The following ZNF570 variants were observed in gnomAD, a reference collection of about 807,000 sequenced individuals.
ZNF570 encodes zinc finger protein 570.
In ZNF570, 8 loss-of-function variants were observed where a neutral mutation model predicts 14.2. The ratio of observed to expected loss-of-function variants is 0.56; its 90% confidence interval spans 0.33 to 1.02. ZNF570 has a LOEUF of 1.02. Ranked by LOEUF, ZNF570 falls within the 50% of genes least tolerant of loss-of-function variation. ZNF570 has a pLI of 0.03. For synonymous variants in ZNF570, 202 were observed against 207.6 expected (o/e 0.97, Z 0.23); for missense variants, 559 against 624.9 (o/e 0.89, Z 1.12).
At chr19:37,476,212 T>C (rs2042021421) in intron 3 of ZNF570, 127 bp from the exon 4 acceptor site, 1 of 1,290,836 alleles carries the variant, frequency 7.7e-7, no homozygotes, top group Admixed American at 2.6e-5. Context: ...TTCTAATACA[T>C]GTCCTTTACA....
chr19:37,483,475 A>G (rs2042109691), intron 4 of ZNF570, among the ~76,000 whole-genome samples: 1 of 152,136 alleles, frequency 6.6e-6, no homozygotes, highest in Admixed American at 6.5e-5. Flanking sequence ...CCCTGAAGGT[A>G]AAGATCTTTG....
intron 2 of ZNF570, among the ~76,000 whole-genome samples, chr19:37,475,594 C>G (rs1458276654): frequency 6.6e-6 from 1 of 152,088 alleles, no homozygotes; most frequent in Non-Finnish European, 1.5e-5. Flanking sequence ...ATACTCTGCC[C>G]TCATGGAGCT....
intron 4 of ZNF570, among the ~76,000 whole-genome samples, chr19:37,476,747 T>A (rs1230429225): frequency 2.7e-4 from 39 of 143,864 alleles, no homozygotes; most frequent in Non-Finnish European, 5.2e-4. Context: ...TCTCGCTCTG[T>A]CACCCAGGCT....
rs764242045 is a variant in ZNF570, at chr19:37,475,991, G to C, written c.144G>C (p.Arg48Ser). The C allele has an allele frequency of 6.2e-7, 1 of 1,611,512 alleles. No homozygotes were observed. The highest frequency in any genetic ancestry group is 2.2e-5 in the East Asian group (1 of 44,826). Residue 48 changes from arginine to serine, a missense_variant, in exon 3 of 5, where the codon AGG becomes AGC. Physicochemically the swap from Arg to Ser is moderately radical, Grantham distance 110. Coordinates refer to ENST00000330173, the MANE Select transcript of ZNF570 (RefSeq NM_144694.5). The stretch of plus-strand genomic sequence containing the variant: ...GTAATGTGATGCTAGAGAACTACAG[G>C]ATCTTGGTATCACTGGGTAAGGATA... ...LYSNVMLENY[R>S]ILVSLGLCFS...
chr19:37,481,157 ATT>A (rs750442610), intron 4 of ZNF570, among the ~76,000 whole-genome samples: 5 of 144,646 alleles, frequency 3.5e-5, no homozygotes, highest in African/African-American at 5.0e-5. Flanking sequence ...AGATTGACAG[ATT>A]TTTTTTTTTT....
upstream of ZNF570, chr19:37,469,125 A>G: frequency 9.2e-7 from 1 of 1,091,766 alleles, no homozygotes; most frequent in Non-Finnish European, 1.1e-6. Context: ...CCAGGCTCGG[A>G]GCTGCAGGGA....
upstream of ZNF570, chr19:37,468,097 T>C (rs2041881812): frequency 2.9e-6 from 2 of 678,744 alleles, no homozygotes; most frequent in Non-Finnish European, 4.9e-6. Context: ...TTGTTTTGTT[T>C]TTTTTGAGGC....
At chr19:37,473,214 C>T (rs2041988370) in intron 2 of ZNF570, among the ~76,000 whole-genome samples, 1 of 152,122 alleles carries the variant, frequency 6.6e-6, no homozygotes, top group Non-Finnish European at 1.5e-5. Flanking sequence ...TGCAGCATTT[C>T]CGCCCACTTG....
intron 4 of ZNF570, among the ~76,000 whole-genome samples, chr19:37,482,654 C>T (rs903401717): frequency 2.0e-5 from 3 of 152,224 alleles, no homozygotes; most frequent in Admixed American, 2.0e-4. Context: ...GGCTCTGGAT[C>T]CCCATCCAAA....
intron 1 of ZNF570, among the ~76,000 whole-genome samples, chr19:37,469,975 A>T (rs2041928070): frequency 6.6e-6 from 1 of 152,142 alleles, no homozygotes; most frequent in South Asian, 2.1e-4. Context: ...AGAATCACTG[A>T]TTTATTGGAG....
At chr19:37,478,762 G>A (rs1461107729) in intron 4 of ZNF570, among the ~76,000 whole-genome samples, 1 of 151,360 alleles carries the variant, frequency 6.6e-6, no homozygotes, top group African/African-American at 2.4e-5. Context: ...ATCTGTGGGT[G>A]ATTTTTACCT....
At chr19:37,468,331 C>T (rs1362746717), upstream of ZNF570, among the ~76,000 whole-genome samples, 1 of 152,154 alleles carries the variant, frequency 6.6e-6, no homozygotes, top group Non-Finnish European at 1.5e-5. Context: ...TCAAGCGATC[C>T]TCCCGCCTGG....
rs570165311 is a variant in ZNF570, at chr19:37,479,951, G to A, written c.256+3517G>A. On this transcript the variant is annotated intron_variant, in intron 4 of 4. Coordinates refer to ENST00000330173, the MANE Select transcript of ZNF570 (RefSeq NM_144694.5). ...CTTTATCTTTTAACCAAATGATGGT[G>A]GTGGTCAGTTAAATTTTTTGGTACT... Among the ~76,000 whole-genome samples the A allele has an allele frequency of 3.3e-5, 5 of 152,090 alleles. 1 individual carries two copies. The highest frequency in any genetic ancestry group is 1.2e-4 in the African/African-American group (5 of 41,496).
Position 37,486,068 on chromosome 19 carries a change from G to A in ZNF570, c.*835G>A, listed in dbSNP as rs1481012279. 6.7e-6 allele frequency: 1 copy of A among 149,852 alleles called. No individual in the cohort carries two copies. The highest frequency in any genetic ancestry group is 2.4e-5 in the African/African-American group (1 of 40,916). 9.3% of individuals were successfully genotyped at this position (149,852 alleles called of 1,614,324 possible). On this transcript the variant is annotated 3_prime_UTR_variant, in exon 5 of 5. Transcript: ENST00000330173. The stretch of plus-strand genomic sequence containing the variant: ...AAAATAAAAAGAAAAGAAGAGAAAA[G>A]AAAACACATGTTACTATCTCCAGTT...
Position 37,486,242 on chromosome 19 carries a change from C to G in ZNF570, c.*1009C>G, listed in dbSNP as rs767747585. The G allele has an allele frequency of 4.6e-5, 7 of 152,016 alleles. No homozygotes were observed. Among genetic ancestry groups the G allele is most frequent in the Non-Finnish European group, 1.0e-4 (7 of 68,008 alleles). 9.4% of individuals were successfully genotyped at this position (152,016 alleles called of 1,614,324 possible). Reference sequence around the variant, plus strand: ...TTCTTCTTTGGGCACTAGGCACTTCCCAGGACTAAGAGCTTAGATTCTGGA... The same window carrying G: ...TTCTTCTTTGGGCACTAGGCACTTCGCAGGACTAAGAGCTTAGATTCTGGA... On this transcript the variant is annotated 3_prime_UTR_variant, in exon 5 of 5. Coordinates refer to ENST00000330173, the MANE Select transcript of ZNF570 (RefSeq NM_144694.5).
Position 37,475,939 on chromosome 19 carries a change from T to A in ZNF570, c.92T>A (p.Leu31Gln), listed in dbSNP as rs2042018303. The A allele has an allele frequency of 2.5e-6, 4 of 1,614,114 alleles. No individual in the cohort carries two copies. In the East Asian group the frequency reaches 8.9e-5, roughly 36 times the overall value. ...TTCTCCCAAGAGGAATGGGATTGTC[T>A]GGATTCTTCTCAAAGACATCTGTAC... ...VDFSQEEWDCLDSSQRHLYSN... is the reference protein window; with the variant it reads ...VDFSQEEWDCQDSSQRHLYSN... Residue 31 changes from leucine (L) to glutamine (Q), a missense_variant, in exon 3 of 5, where the codon CTG becomes CAG. Leu to Gln is a moderately radical substitution (Grantham distance 113, BLOSUM62 -2). Coordinates refer to ENST00000330173, the MANE Select transcript of ZNF570 (RefSeq NM_144694.5).
In ZNF570 at chr19:37,469,389, T is replaced by A. The variant is rs2041914900; in HGVS notation, c.-220T>A. 1.3e-6 allele frequency: 2 copies of A among 1,486,358 alleles called. No homozygotes were observed. Among genetic ancestry groups the A allele is most frequent in the Admixed American group, 4.2e-5 (2 of 47,878 alleles). 92.1% of individuals were successfully genotyped at this position (1,486,358 alleles called of 1,614,324 possible). A position where few individuals can be genotyped will look rare whatever the true frequency, so the allele number is the denominator to read the frequency against. ...CCGGGCCCGTAAGGGCTGGGTTCCA[T>A]CCAACTAAGGGTAGCGGTGAGACCC... On this transcript the variant is annotated 5_prime_UTR_variant, in exon 1 of 5. Coordinates refer to ENST00000330173, the MANE Select transcript of ZNF570 (RefSeq NM_144694.5).
intron 4 of ZNF570, among the ~76,000 whole-genome samples, chr19:37,478,549 TGC>T (rs2042052639): frequency 5.3e-5 from 8 of 151,752 alleles, no homozygotes; most frequent in Admixed American, 1.3e-4. Flanking sequence ...ATTTTTCTGT[TGC>T]CTTTGTCGTA....
rs2042125756 is a variant in ZNF570 at position 37,484,482 on chromosome 19, C to G, written c.860C>G (p.Ala287Gly). 6.2e-7 allele frequency: 1 copy of G among 1,613,924 alleles called. No homozygotes were observed. Among genetic ancestry groups the G allele is most frequent in the Non-Finnish European group, 8.5e-7 (1 of 1,179,934 alleles). ...TGTAGGAAAGCCTTCAGTCAGAATG[C>G]ACACCTAGTTCAACATCTGCGAGTT... ...KECRKAFSQNAHLVQHLRVHT... is the reference protein window; with the variant it reads ...KECRKAFSQNGHLVQHLRVHT... The change falls in exon 5 of 5, where the codon GCA becomes GGA. Residue 287 changes from alanine to glycine, a missense_variant. Ala to Gly is a moderately conservative substitution (Grantham distance 60). Coordinates refer to ENST00000330173, the MANE Select transcript of ZNF570 (RefSeq NM_144694.5).
Sources: allele counts gnomAD v4.1 joint callset (sites outside exome capture counted in the v4.1 genomes callset), GRCh38; gene constraint gnomAD v4.1.1; transcripts MANE v1.5; gene names NCBI Gene and HGNC (gene_info 2026-07-23, HGNC 2026-07-21).